Variants in GNA12 observed in about 807,000 individuals in gnomAD.
GNA12 encodes the protein guanine nucleotide-binding protein subunit alpha-12.
Under a neutral mutation model 26.0 loss-of-function variants are expected in GNA12, and 9 were observed. That is an observed-to-expected ratio of 0.35 (90% CI 0.21 to 0.60). The LOEUF is 0.60. Among genes scored for constraint, GNA12 ranks in the 20% least tolerant of loss-of-function variants. GNA12 has a pLI of 0.78. For synonymous variants in GNA12, 264 were observed against 219.6 expected (o/e 1.20, Z -1.79); for missense variants, 405 against 525.8 (o/e 0.77, Z 2.25).
chr7:2,730,093 G>C lies in GNA12; in HGVS notation c.*1088C>G, dbSNP rs543516527. On this transcript the variant is annotated 3_prime_UTR_variant, in exon 4 of 4. Transcript: ENST00000275364. ...GGAGCGGCAGTTTGGAGAAACTCAA[G>C]ATTCCTCCAGCGTCTGTGGGCTTCC... is the stretch of plus-strand genomic sequence containing the variant. 2 of 152,484 alleles carry C rather than the reference G, an allele frequency of 1.3e-5. No individual in the cohort carries two copies. Among genetic ancestry groups the C allele is most frequent in the South Asian group, 2.1e-4 (1 of 4,834 alleles). 9.4% of individuals were successfully genotyped at this position (152,484 alleles called of 1,614,324 possible).
chr7:2,729,886 T>G lies in GNA12; in HGVS notation c.*1295A>C, dbSNP rs142101183. On this transcript the variant is annotated 3_prime_UTR_variant, in exon 4 of 4. Transcript: ENST00000275364. ...GCCACCTGGCAGGTAGCTGGACAAG[T>G]GAGCTGGGCCCAGGACTGGCCAGCT... The G allele has an allele frequency of 6.6e-6, 1 of 152,406 alleles. No individual in the cohort carries two copies. Among genetic ancestry groups the G allele is most frequent in the Admixed American group, 6.5e-5 (1 of 15,282 alleles). The allele number at this position is 152,406 out of a possible 1,614,324, so 9.4% of individuals were successfully genotyped here.
intron 2 of GNA12, among the ~76,000 whole-genome samples, chr7:2,759,215 G>A (rs1357814689): frequency 6.6e-6 from 1 of 151,754 alleles, no homozygotes; most frequent in South Asian, 2.1e-4. Flanking sequence ...CCCCATGATG[G>A]ATCTCAAAAT....
intron 2 of GNA12, among the ~76,000 whole-genome samples, chr7:2,734,073 G>A (rs1466799024): frequency 6.6e-6 from 1 of 152,212 alleles, no homozygotes; most frequent in African/African-American, 2.4e-5. Context: ...CATTTGGATT[G>A]TTGTGGTGGA....
chr7:2,753,866 C>A (rs1791155057), intron 2 of GNA12, among the ~76,000 whole-genome samples: 1 of 152,068 alleles, frequency 6.6e-6, no homozygotes, highest in East Asian at 1.9e-4. Context: ...GGTTTAGGAA[C>A]AATCTGTTCC....
At chr7:2,768,777 A>G (rs1043955756) in intron 2 of GNA12, among the ~76,000 whole-genome samples, 2 of 151,816 alleles carry the variant, frequency 1.3e-5, no homozygotes, top group Admixed American at 6.6e-5. Flanking sequence ...CTTGGCATAC[A>G]CTTTTCTACC....
rs1309376608 is a variant in GNA12, at chr7:2,758,396, G to A, written c.526-24895C>T. On this transcript the variant is annotated intron_variant, in intron 2 of 3. Transcript: ENST00000275364. ...TGCAGGCTTGCACATGAAAGAGGGT[G>A]TAAAGGGCAGACAGTGTCTCAGCAG... Among the ~76,000 whole-genome samples the A allele has an allele frequency of 2.6e-5, 4 of 152,226 alleles. 1 individual carries two copies. The highest frequency in any genetic ancestry group is 2.6e-4 in the Admixed American group (4 of 15,292).
At chr7:2,797,003 C>T (rs1423299139) in intron 1 of GNA12, among the ~76,000 whole-genome samples, 2 of 152,154 alleles carry the variant, frequency 1.3e-5, no homozygotes, top group African/African-American at 4.8e-5. Flanking sequence ...GGTCAAGGGC[C>T]CTGAGAAGGC....
intron 1 of GNA12, among the ~76,000 whole-genome samples, chr7:2,813,848 TG>T (rs770758365): frequency 6.6e-6 from 1 of 152,172 alleles, no homozygotes; most frequent in Non-Finnish European, 1.5e-5. Flanking sequence ...ACACCGTTCC[TG>T]GGCGTGTCTG....
intron 2 of GNA12, among the ~76,000 whole-genome samples, chr7:2,753,319 A>G (rs569990839): frequency 6.6e-6 from 1 of 151,994 alleles, no homozygotes; most frequent in East Asian, 1.9e-4. Context: ...ACGATTGGCT[A>G]ATTTTATTTT....
At position 2,814,292 on chromosome 7, in the gene GNA12, T is replaced by G. The variant is rs988035133; in HGVS notation, c.310-19149A>C. 8.3e-6 allele frequency: 11 copies of G among 1,328,104 alleles called. 1 individual carries two copies. The highest frequency in any genetic ancestry group is 1.2e-5 in the Non-Finnish European group (11 of 919,890). The allele number at this position is 1,328,104 out of a possible 1,614,324, so 82.3% of individuals were successfully genotyped here. A position where few individuals can be genotyped will look rare whatever the true frequency, so the allele number is the denominator to read the frequency against. On this transcript the variant is annotated intron_variant, in intron 1 of 3. Coordinates refer to ENST00000275364, the MANE Select transcript of GNA12 (RefSeq NM_007353.3). Reference sequence around the variant, plus strand: ...ATCAGGGAGATCTGTGGCCGAGGAGTTGAACGGAGTGAGACTCACCCTGGA... The same window carrying G: ...ATCAGGGAGATCTGTGGCCGAGGAGGTGAACGGAGTGAGACTCACCCTGGA...
intron 2 of GNA12, among the ~76,000 whole-genome samples, chr7:2,761,572 C>T (rs1455035587): frequency 2.6e-5 from 4 of 152,302 alleles, no homozygotes; most frequent in Admixed American, 6.5e-5. Flanking sequence ...CCTCATCTAC[C>T]GAATTCCTAG....
intron 2 of GNA12, among the ~76,000 whole-genome samples, chr7:2,739,491 G>A (rs1287455953): frequency 1.0e-5 from 1 of 99,042 alleles, no homozygotes; most frequent in African/African-American, 3.4e-5. Flanking sequence ...ATATATATAT[G>A]TATATTACAT....
chr7:2,834,491 G>A (rs1778772448), intron 1 of GNA12, among the ~76,000 whole-genome samples: 1 of 152,188 alleles, frequency 6.6e-6, no homozygotes, highest in Non-Finnish European at 1.5e-5. Flanking sequence ...TCTGCAATAT[G>A]CACTGAATAT....
At chr7:2,748,058 C>T (rs1443758662) in intron 2 of GNA12, among the ~76,000 whole-genome samples, 4 of 150,104 alleles carry the variant, frequency 2.7e-5, no homozygotes, top group South Asian at 2.1e-4. Context: ...TAGGAAGAAT[C>T]GATATCATGA....
In GNA12 at chr7:2,788,047, C is replaced by T. The variant is rs372633753; in HGVS notation, c.525+6881G>A. Among the ~76,000 whole-genome samples, 146 of 152,028 alleles carry T rather than the reference C, an allele frequency of 9.6e-4. 1 individual carries two copies. Among genetic ancestry groups the T allele is most frequent in the South Asian group, 3.5e-3 (17 of 4,820 alleles). On this transcript the variant is annotated intron_variant, in intron 2 of 3. Coordinates refer to ENST00000275364, the MANE Select transcript of GNA12 (RefSeq NM_007353.3). Reference sequence around the variant, plus strand: ...GCAGGCGCCTGTAATCCCAGCTGCTCGTGGGAGGCTGAGGGAGAATCGCTT... The same window carrying T: ...GCAGGCGCCTGTAATCCCAGCTGCTTGTGGGAGGCTGAGGGAGAATCGCTT...
rs1789918362 is a variant in GNA12, at chr7:2,731,920, CAG to C, written c.577-172_577-171del. Among the ~76,000 whole-genome samples, 1 of 152,168 alleles carries C rather than the reference CAG, an allele frequency of 6.6e-6. No homozygotes were observed. The highest frequency in any genetic ancestry group is 1.5e-5 in the Non-Finnish European group (1 of 68,032). ...ATAACATTATCAACTGGCCGTGAAA[CAG>C]AAAGAATCAAATACTTCATTTCAAA... On this transcript the variant is annotated intron_variant, in intron 3 of 3. Coordinates refer to ENST00000275364, the MANE Select transcript of GNA12 (RefSeq NM_007353.3). The surrounding 1 kb of genome is among the most constrained non-coding windows in gnomAD (Gnocchi z 6.0).
chr7:2,842,242 A>T (rs547160295), intron 1 of GNA12, among the ~76,000 whole-genome samples: 2 of 152,158 alleles, frequency 1.3e-5, no homozygotes, highest in Non-Finnish European at 2.9e-5. Flanking sequence ...TTTCCTCCAG[A>T]TCTTCCTTGA....
intron 2 of GNA12, among the ~76,000 whole-genome samples, chr7:2,778,062 C>G (rs1173715708): frequency 6.6e-6 from 1 of 152,206 alleles, no homozygotes; most frequent in Non-Finnish European, 1.5e-5. Flanking sequence ...AATGCTCAAA[C>G]ACGAGCTACA....
intron 2 of GNA12, among the ~76,000 whole-genome samples, chr7:2,748,874 A>G (rs1251090760): frequency 6.6e-6 from 1 of 152,248 alleles, no homozygotes; most frequent in Non-Finnish European, 1.5e-5. Flanking sequence ...ACTTCTCAAA[A>G]AAAGACATTT....
Sources: allele counts gnomAD v4.1 joint callset (sites outside exome capture counted in the v4.1 genomes callset), GRCh38; gene constraint gnomAD v4.1.1; non-coding constraint Gnocchi (gnomAD v3.1); transcripts MANE v1.5; gene names NCBI Gene and HGNC (gene_info 2026-07-23, HGNC 2026-07-21).